Variants in TEKT5 observed in about 807,000 individuals in gnomAD.
TEKT5 encodes tektin-5.
In TEKT5, 52 loss-of-function variants were observed where a neutral mutation model predicts 48.7. The observed-to-expected ratio is 1.07, with a 90% CI of 0.86 to 1.35. The LOEUF is 1.35. Ranked by LOEUF, TEKT5 falls within the 40% of genes most tolerant of loss-of-function variation. The pLI, the probability that TEKT5 is intolerant of heterozygous loss-of-function variation, is 0.00. For missense variants in TEKT5, 831 were observed against 641.6 expected, an observed-to-expected ratio of 1.30 and a Z score of -3.19; for synonymous variants, 318 against 267.6, an observed-to-expected ratio of 1.19 and a Z score of -1.84.
intron 6 of TEKT5, among the ~76,000 whole-genome samples, chr16:10,629,109 G>A (rs909642752): frequency 6.6e-6 from 1 of 152,132 alleles, no homozygotes; most frequent in Non-Finnish European, 1.5e-5. Context: ...TGGGGAGAAT[G>A]TAGAAGATTG....
chr16:10,631,527 A>T (rs1897841598), intron 6 of TEKT5, among the ~76,000 whole-genome samples: 1 of 152,046 alleles, frequency 6.6e-6, no homozygotes, highest in African/African-American at 2.4e-5. Context: ...TCAGAAAGAT[A>T]TGTTCAAGTC....
chr16:10,642,913 G>C (rs1013565289), intron 5 of TEKT5, among the ~76,000 whole-genome samples: 2 of 152,178 alleles, frequency 1.3e-5, no homozygotes, highest in African/African-American at 4.8e-5. Flanking sequence ...ATAAGTTCCA[G>C]TGTTTTATGC....
intron 5 of TEKT5, among the ~76,000 whole-genome samples, chr16:10,647,375 G>A (rs1039657935): frequency 1.3e-5 from 2 of 151,870 alleles, no homozygotes; most frequent in South Asian, 4.2e-4. Context: ...AGGAGGCTGA[G>A]GCAGGAGGAT....
At chr16:10,692,035 A>C (rs1468446967) in intron 1 of TEKT5, among the ~76,000 whole-genome samples, 1 of 151,858 alleles carries the variant, frequency 6.6e-6, no homozygotes, top group Non-Finnish European at 1.5e-5. Flanking sequence ...GGAAGGGAGC[A>C]GGAATTGGGA....
At chr16:10,629,961 CAG>C (rs1248926473) in intron 6 of TEKT5, among the ~76,000 whole-genome samples, 3 of 151,966 alleles carry the variant, frequency 2.0e-5, no homozygotes, top group African/African-American at 4.8e-5. Context: ...CTTTTTGAGA[CAG>C]AGTCTCACTC....
intron 5 of TEKT5, among the ~76,000 whole-genome samples, chr16:10,646,902 T>C (rs1257437626): frequency 6.6e-6 from 1 of 152,208 alleles, no homozygotes; most frequent in South Asian, 2.1e-4. Flanking sequence ...AAACACTCAA[T>C]GCGGCAACAC....
chr16:10,680,455 GGA>G (rs1187341743), intron 4 of TEKT5, among the ~76,000 whole-genome samples: 21 of 112,258 alleles, frequency 1.9e-4, no homozygotes, highest in South Asian at 3.7e-4. Context: ...TATGTGCTAG[GGA>G]TTTTTTTTTT....
intron 3 of TEKT5, among the ~76,000 whole-genome samples, chr16:10,684,623 C>G (rs1191636355): frequency 6.6e-6 from 1 of 152,082 alleles, no homozygotes; most frequent in African/African-American, 2.4e-5. Flanking sequence ...GAATGTGAAG[C>G]GAGGCCAGGA....
At position 10,667,277 on chromosome 16, in the gene TEKT5, C is replaced by T. The variant is rs116180189; in HGVS notation, c.1086+8682G>A. Among the ~76,000 whole-genome samples, 1,152 of 152,302 alleles carry T rather than the reference C, an allele frequency of 7.6e-3. 11 individuals carry two copies. The highest frequency in any genetic ancestry group is 0.026 in the African/African-American group (1,077 of 41,560). Reference sequence around the variant, plus strand: ...GGGATTACAGGCATGAGCCACCACGCCTGGCTTCCTTCCTTACGTATGTTA... The same window carrying T: ...GGGATTACAGGCATGAGCCACCACGTCTGGCTTCCTTCCTTACGTATGTTA... On this transcript the variant is annotated intron_variant, in intron 5 of 6. Transcript: ENST00000283025.
At chr16:10,684,419 G>A (rs1898818591) in intron 3 of TEKT5, among the ~76,000 whole-genome samples, 2 of 149,128 alleles carry the variant, frequency 1.3e-5, no homozygotes, top group Non-Finnish European at 3.0e-5. Context: ...TTCCTGCTGT[G>A]GATGTTGGTT....
Position 10,635,772 on chromosome 16 carries a change from C to G in TEKT5, c.1233G>C (p.Pro411=). 6.2e-7 allele frequency: 1 copy of G among 1,611,798 alleles called. No individual in the cohort carries two copies. ...RPNMELCRDI[P]QLKLVNEVFT... ...TGGCCTCCCTCACTTACTTCAACTGCGGGATGTCCCTGCACAGCTCCATGT... is the reference window on the plus strand; with the variant it reads ...TGGCCTCCCTCACTTACTTCAACTGGGGGATGTCCCTGCACAGCTCCATGT... Residue 411 remains proline (P), a synonymous_variant, in exon 6 of 7, where the codon CCG becomes CCC. Transcript: ENST00000283025.
chr16:10,672,227 T>C lies in TEKT5; in HGVS notation c.1086+3732A>G, dbSNP rs187005890. ...TGCATGAAAAAAAGAAAAAGGGACATTTAAGGCATTCATTCATGCATGCTT... is the reference window on the plus strand; with the variant it reads ...TGCATGAAAAAAAGAAAAAGGGACACTTAAGGCATTCATTCATGCATGCTT... On this transcript the variant is annotated intron_variant, in intron 5 of 6. Transcript: ENST00000283025. 2.0e-4 allele frequency among the ~76,000 whole-genome samples: 30 copies of C among 152,142 alleles called. No homozygotes were observed. The East Asian group carries it at 4.6e-3, about 23-fold the overall frequency.
intron 4 of TEKT5, 82 bp downstream of exon 4, chr16:10,681,911 C>G: frequency 6.5e-7 from 1 of 1,545,154 alleles, no homozygotes; most frequent in African/African-American, 1.4e-5. Flanking sequence ...GCACGATGCC[C>G]CTTCGCCATT....
At chr16:10,665,901 C>T (rs186282288) in intron 5 of TEKT5, among the ~76,000 whole-genome samples, 3 of 152,312 alleles carry the variant, frequency 2.0e-5, no homozygotes, top group Admixed American at 2.0e-4. Context: ...GATAGCAGAG[C>T]CTCTGAAAGC....
chr16:10,673,120 T>C (rs183576833), intron 5 of TEKT5, among the ~76,000 whole-genome samples: 1 of 152,126 alleles, frequency 6.6e-6, no homozygotes, highest in Non-Finnish European at 1.5e-5. Context: ...CCAAAAGATA[T>C]GAGATGGAAG....
chr16:10,640,402 C>T (rs1009016469), intron 5 of TEKT5, among the ~76,000 whole-genome samples: 1 of 152,124 alleles, frequency 6.6e-6, no homozygotes, highest in African/African-American at 2.4e-5. Flanking sequence ...GCATGTGAGC[C>T]GCCATGACTG....
intron 4 of TEKT5, among the ~76,000 whole-genome samples, chr16:10,681,370 A>T (rs1358814729): frequency 6.8e-6 from 1 of 147,950 alleles, no homozygotes; most frequent in African/African-American, 2.5e-5. Flanking sequence ...TCCAGATTCC[A>T]CTCTCTGTCT....
At chr16:10,681,912 C>T in intron 4 of TEKT5, 81 bp downstream of exon 4, 1 of 1,551,348 alleles carries the variant, frequency 6.4e-7, no homozygotes, top group Non-Finnish European at 8.8e-7. Context: ...CACGATGCCC[C>T]TTCGCCATTC....
At position 10,685,378 on chromosome 16, in the gene TEKT5, C is replaced by A. The variant is rs13332235; in HGVS notation, c.720-3242G>T. Among the ~76,000 whole-genome samples, 840 of 152,302 alleles carry A rather than the reference C, an allele frequency of 5.5e-3. 7 individuals are homozygous for A. The highest frequency in any genetic ancestry group is 0.019 in the African/African-American group (808 of 41,554). On this transcript the variant is annotated intron_variant, in intron 3 of 6. Coordinates refer to ENST00000283025, the MANE Select transcript of TEKT5 (RefSeq NM_144674.2). ...GCAGTGGCACGATCTTGGCTCACTA[C>A]AACCTCCGCCTCTTGGGTTCAAGCG... is the stretch of plus-strand genomic sequence containing the variant.
Sources: gnomAD v4.1 joint callset for allele counts (sites outside exome capture counted in the v4.1 genomes callset) on GRCh38, gnomAD v4.1.1 for gene constraint, MANE v1.5 for transcripts, NCBI Gene and HGNC (gene_info 2026-07-23, HGNC 2026-07-21) for gene names.